The following SPIRE1 variants were observed in gnomAD, a reference collection of about 807,000 sequenced individuals.
The protein encoded by SPIRE1 is spire type actin nucleation factor 1.
In SPIRE1, 40 loss-of-function variants were observed where a neutral mutation model predicts 94.1. The observed-to-expected ratio is 0.43, with a 90% CI of 0.33 to 0.55. The LOEUF (loss-of-function observed/expected upper bound fraction) is 0.55, where lower values mean the gene tolerates loss of function less well. SPIRE1 is among the 20% of genes least tolerant of loss of function. The probability of loss-of-function intolerance (pLI) is 0.06; values close to 1 mark genes in which losing one functional copy is unlikely to be tolerated. For missense variants in SPIRE1, 838 were observed against 975.2 expected, an observed-to-expected ratio of 0.86 and a Z score of 1.87; for synonymous variants, 376 against 371.7, an observed-to-expected ratio of 1.01 and a Z score of -0.13.
chr18:12,555,325 T>C (rs1353263624), intron 2 of SPIRE1, among the ~76,000 whole-genome samples: 2 of 152,176 alleles, frequency 1.3e-5, no homozygotes, highest in East Asian at 3.9e-4. Flanking sequence ...AAAAATTTTT[T>C]TTTGGATACT....
intron 2 of SPIRE1, among the ~76,000 whole-genome samples, chr18:12,610,371 T>C (rs942127007): frequency 6.6e-6 from 1 of 152,134 alleles, no homozygotes; most frequent in Non-Finnish European, 1.5e-5. Context: ...TTGACTCCAG[T>C]AATCTTTCAA....
intron 2 of SPIRE1, among the ~76,000 whole-genome samples, chr18:12,606,014 A>T (rs1239254121): frequency 1.3e-5 from 2 of 152,098 alleles, no homozygotes; most frequent in Non-Finnish European, 2.9e-5. Context: ...TTACTCCCTC[A>T]TATCACTCAG....
At chr18:12,584,707 T>C (rs1186972623) in intron 2 of SPIRE1, among the ~76,000 whole-genome samples, 1 of 152,084 alleles carries the variant, frequency 6.6e-6, no homozygotes, top group Non-Finnish European at 1.5e-5. Context: ...GATGGGAAGA[T>C]CACCTAAGCC....
intron 4 of SPIRE1, among the ~76,000 whole-genome samples, chr18:12,516,825 C>A (rs1361366473): frequency 6.6e-6 from 1 of 152,194 alleles, no homozygotes; most frequent in Non-Finnish European, 1.5e-5. Flanking sequence ...TCCGACACAT[C>A]CCTGACTAAA....
At chr18:12,522,402 C>T (rs1354976846) in intron 4 of SPIRE1, among the ~76,000 whole-genome samples, 1 of 152,132 alleles carries the variant, frequency 6.6e-6, no homozygotes, top group African/African-American at 2.4e-5. Context: ...GAGATAGGTT[C>T]ATTAGGTTTA....
intron 3 of SPIRE1, among the ~76,000 whole-genome samples, chr18:12,543,423 G>A (rs2035065477): frequency 6.6e-6 from 1 of 152,086 alleles, no homozygotes; most frequent in Non-Finnish European, 1.5e-5. Context: ...TACCTTTATT[G>A]TTGAGACATT....
At chr18:12,466,329 T>G (rs1287868525) in intron 10 of SPIRE1, among the ~76,000 whole-genome samples, 1 of 152,078 alleles carries the variant, frequency 6.6e-6, no homozygotes, top group Non-Finnish European at 1.5e-5. Context: ...CAGGCTGGAG[T>G]GCAGTGGCAT....
At chr18:12,530,755 A>G (rs747153170) in intron 4 of SPIRE1, among the ~76,000 whole-genome samples, 13 of 152,344 alleles carry the variant, frequency 8.5e-5, no homozygotes, top group Non-Finnish European at 1.6e-4. Context: ...AATATTTCAA[A>G]TTATGAAATA....
intron 4 of SPIRE1, among the ~76,000 whole-genome samples, chr18:12,519,346 A>G (rs2034293015): frequency 6.6e-6 from 1 of 152,090 alleles, no homozygotes; most frequent in East Asian, 1.9e-4. Context: ...ACACATGTGC[A>G]CACACGCACG....
chr18:12,597,584 A>T (rs1269266621), intron 2 of SPIRE1, among the ~76,000 whole-genome samples: 1 of 152,152 alleles, frequency 6.6e-6, no homozygotes, highest in Non-Finnish European at 1.5e-5. Flanking sequence ...GAATAGTTCA[A>T]CTGCTTCAAA....
chr18:12,659,510 T>C (rs964931429), upstream of SPIRE1, among the ~76,000 whole-genome samples: 1 of 151,772 alleles, frequency 6.6e-6, no homozygotes, highest in Non-Finnish European at 1.5e-5. Flanking sequence ...CTACTAAAAA[T>C]ACAAAGAAAA....
At chr18:12,499,893 C>A (rs1212046408) in intron 6 of SPIRE1, among the ~76,000 whole-genome samples, 1 of 152,134 alleles carries the variant, frequency 6.6e-6, no homozygotes, top group Non-Finnish European at 1.5e-5. Flanking sequence ...ACTCTTGCAA[C>A]TTAACAGCAG....
intron 1 of SPIRE1, 24 bp downstream of exon 1, chr18:12,657,506 G>A (rs997447512): frequency 1.6e-6 from 2 of 1,229,272 alleles, no homozygotes; most frequent in Non-Finnish European, 1.0e-6. Flanking sequence ...AGAACTACGA[G>A]GGAAAGGGGC....
intron 2 of SPIRE1, chr18:12,588,257 A>G (rs190774249): frequency 6.7e-6 from 1 of 149,510 alleles, no homozygotes; most frequent in East Asian, 1.9e-4. Flanking sequence ...CCTAATTTTA[A>G]TTTTTTTTTA....
chr18:12,612,161 A>G (rs896106749), intron 2 of SPIRE1, among the ~76,000 whole-genome samples: 1 of 152,162 alleles, frequency 6.6e-6, no homozygotes, highest in Non-Finnish European at 1.5e-5. Flanking sequence ...GTCAAACTCA[A>G]TAATCAATTC....
chr18:12,595,655 T>G (rs2036651065), intron 2 of SPIRE1, among the ~76,000 whole-genome samples: 1 of 152,228 alleles, frequency 6.6e-6, no homozygotes, highest in Non-Finnish European at 1.5e-5. Flanking sequence ...AGTACCTATT[T>G]GTATCAGGCA....
At chr18:12,548,504 G>C (rs2035236909) in intron 2 of SPIRE1, among the ~76,000 whole-genome samples, 1 of 151,708 alleles carries the variant, frequency 6.6e-6, no homozygotes, top group Admixed American at 6.6e-5. Context: ...TAACTTCTAA[G>C]TTTTTAAACA....
At chr18:12,469,736 A>ATG (rs931490555) in intron 10 of SPIRE1, among the ~76,000 whole-genome samples, 31 of 143,462 alleles carry the variant, frequency 2.2e-4, no homozygotes, top group Admixed American at 5.1e-4. Context: ...ATAATTATAT[A>ATG]TTATATATAA....
At chr18:12,512,668 C>T (rs962218036) in intron 4 of SPIRE1, 137 bp from the exon 5 acceptor site, 1 of 573,054 alleles carries the variant, frequency 1.7e-6, no homozygotes, top group African/African-American at 1.9e-5. Flanking sequence ...GCTCCGTAAA[C>T]TCTAGGGCCA....
Sources: allele counts gnomAD v4.1 joint callset (sites outside exome capture counted in the v4.1 genomes callset), GRCh38; gene constraint gnomAD v4.1.1; transcripts MANE v1.5; gene names NCBI Gene and HGNC (gene_info 2026-07-23, HGNC 2026-07-21).